Variants in PIK3C2G observed in about 807,000 individuals in gnomAD.
PIK3C2G encodes the protein phosphatidylinositol 3-kinase C2 domain-containing subunit gamma.
PIK3C2G carries 168 observed loss-of-function variants against 181.1 expected under a neutral mutation model. The ratio of observed to expected loss-of-function variants is 0.93; its 90% confidence interval spans 0.82 to 1.05. The LOEUF (loss-of-function observed/expected upper bound fraction) is 1.05, where lower values mean the gene tolerates loss of function less well. PIK3C2G is among the 50% of genes least tolerant of loss of function. The pLI, the probability that PIK3C2G is intolerant of heterozygous loss-of-function variation, is 0.00. For missense variants in PIK3C2G, 1,869 were observed against 1,732.8 expected, an observed-to-expected ratio of 1.08 and a Z score of -1.40; for synonymous variants, 573 against 592.2, an observed-to-expected ratio of 0.97 and a Z score of 0.47.
downstream of PIK3C2G, among the ~76,000 whole-genome samples, chr12:18,649,648 G>T (rs1049346601): frequency 6.6e-6 from 1 of 152,060 alleles, no homozygotes; most frequent in East Asian, 1.9e-4. Flanking sequence ...TTACAAGCAG[G>T]TATTTGCTCC....
At chr12:18,680,613 T>C in the PIK3C2G span, among the ~76,000 whole-genome samples, 1 of 151,942 alleles carries the variant, frequency 6.6e-6, no homozygotes, top group Non-Finnish European at 1.5e-5. Context: ...ATTAACAACA[T>C]AATTAAACTT....
At chr12:18,650,510 A>C (rs78820023), downstream of PIK3C2G, among the ~76,000 whole-genome samples, 3,257 of 150,412 alleles carry the variant, frequency 0.022, 115 homozygotes, top group African/African-American at 0.075. Context: ...ATGAAAAAAA[A>C]TTAAGCTATT....
chr12:18,379,449 C>T (rs892817186), intron 13 of PIK3C2G, among the ~76,000 whole-genome samples: 1 of 151,974 alleles, frequency 6.6e-6, no homozygotes, highest in Non-Finnish European at 1.5e-5. Context: ...ACCAACATGG[C>T]ACATGTATAC....
intron 18 of PIK3C2G, among the ~76,000 whole-genome samples, chr12:18,478,300 A>C (rs1462914068): frequency 1.3e-5 from 2 of 152,072 alleles, no homozygotes. Flanking sequence ...GATGTTAGAG[A>C]CTTCCCATTT....
intron 15 of PIK3C2G, among the ~76,000 whole-genome samples, chr12:18,392,740 C>T (rs1186223388): frequency 1.3e-5 from 2 of 152,070 alleles, no homozygotes; most frequent in South Asian, 4.1e-4. Flanking sequence ...TTTGCAAGAA[C>T]TGGAAAAAGT....
chr12:18,315,916 T>A (rs573515991), intron 6 of PIK3C2G, among the ~76,000 whole-genome samples: 1 of 151,924 alleles, frequency 6.6e-6, no homozygotes, highest in Non-Finnish European at 1.5e-5. Flanking sequence ...TGTGTGTGTG[T>A]GTGTGTAATT....
chr12:18,325,674 C>T (rs12311841), intron 8 of PIK3C2G, among the ~76,000 whole-genome samples: 103 of 145,366 alleles, frequency 7.1e-4, no homozygotes, highest in Non-Finnish European at 1.4e-3. Context: ...GGCCACTGTA[C>T]TCCAGCCTGG....
intron 8 of PIK3C2G, among the ~76,000 whole-genome samples, chr12:18,338,106 T>C (rs1938720984): frequency 6.6e-6 from 1 of 152,162 alleles, no homozygotes; most frequent in African/African-American, 2.4e-5. Flanking sequence ...CCTCCCTCTC[T>C]TTCTCTCTTT....
intron 16 of PIK3C2G, among the ~76,000 whole-genome samples, chr12:18,400,055 A>G (rs1448123283): frequency 6.6e-6 from 1 of 152,224 alleles, no homozygotes; most frequent in Admixed American, 6.5e-5. Context: ...AGCTTGTAGT[A>G]TAATAAATTG....
intron 14 of PIK3C2G, 35 bp downstream of exon 14, chr12:18,381,915 G>A (rs1357114847): frequency 8.2e-6 from 10 of 1,221,730 alleles, no homozygotes; most frequent in African/African-American, 1.5e-5. Flanking sequence ...AGTACACATG[G>A]CAAGTATTGG....
At chr12:18,305,365 A>G (rs1392699155) in intron 5 of PIK3C2G, among the ~76,000 whole-genome samples, 1 of 152,146 alleles carries the variant, frequency 6.6e-6, no homozygotes, top group East Asian at 1.9e-4. Context: ...TTGCACAAGC[A>G]TCATTAACTA....
intron 18 of PIK3C2G, among the ~76,000 whole-genome samples, chr12:18,488,008 T>C (rs1940220368): frequency 6.6e-6 from 1 of 152,090 alleles, no homozygotes; most frequent in Non-Finnish European, 1.5e-5. Context: ...GCACCTTTTG[T>C]GGTTTGTGAC....
At chr12:18,309,925 G>A (rs1183655295) in intron 5 of PIK3C2G, among the ~76,000 whole-genome samples, 1 of 151,756 alleles carries the variant, frequency 6.6e-6, no homozygotes, top group Non-Finnish European at 1.5e-5. Context: ...AGTCAGTTGT[G>A]TTTATTCCTG....
chr12:18,365,492 C>A (rs1941576126), intron 12 of PIK3C2G, among the ~76,000 whole-genome samples: 1 of 152,292 alleles, frequency 6.6e-6, no homozygotes, highest in Middle Eastern at 3.4e-3. Flanking sequence ...ATGTTTGTTT[C>A]TCAATCCTCA....
chr12:18,542,772 G>T (rs1156509756), intron 25 of PIK3C2G, among the ~76,000 whole-genome samples: 1 of 151,932 alleles, frequency 6.6e-6, no homozygotes, highest in Admixed American at 6.6e-5. Context: ...GTATTCTATG[G>T]TGTATATGTG....
chr12:18,628,933 AT>A (rs1949224725), intron 31 of PIK3C2G, among the ~76,000 whole-genome samples: 2 of 152,302 alleles, frequency 1.3e-5, no homozygotes, highest in South Asian at 4.1e-4. Flanking sequence ...CTCTGAAAAA[AT>A]AATCTGATAA....
chr12:18,302,392 G>A (rs1268016397), intron 5 of PIK3C2G, among the ~76,000 whole-genome samples: 2 of 152,172 alleles, frequency 1.3e-5, no homozygotes, highest in African/African-American at 4.8e-5. Flanking sequence ...AGTGGCTTGT[G>A]TGAATGGGTT....
intron 29 of PIK3C2G, among the ~76,000 whole-genome samples, chr12:18,586,585 A>C (rs1180970350): frequency 1.3e-5 from 2 of 152,114 alleles, no homozygotes; most frequent in South Asian, 2.1e-4. Flanking sequence ...TAAATAACCT[A>C]GTAACCAAAA....
chr12:18,699,823 G>A, the PIK3C2G span: 6 of 1,613,432 alleles, frequency 3.7e-6, no homozygotes, highest in Non-Finnish European at 5.1e-6. Flanking sequence ...TCGGGCTTGT[G>A]TCTCCCCAAT....
Sources: gnomAD v4.1 joint callset for allele counts (sites outside exome capture counted in the v4.1 genomes callset) on GRCh38, gnomAD v4.1.1 for gene constraint, MANE v1.5 for transcripts, NCBI Gene and HGNC (gene_info 2026-07-23, HGNC 2026-07-21) for gene names.